Variants in DSTN observed in about 807,000 individuals in gnomAD.
DSTN encodes destrin, actin depolymerizing factor.
In DSTN, 10 loss-of-function variants were observed where a neutral mutation model predicts 16.8. The ratio of observed to expected loss-of-function variants is 0.60; its 90% CI spans 0.37 to 1.01. DSTN has a LOEUF of 1.01. DSTN is among the 50% of genes least tolerant of loss of function. DSTN has a pLI of 0.01. For missense variants in DSTN, 141 were observed against 196.7 expected (o/e 0.72, Z 1.69); for synonymous variants, 57 against 58.9 (o/e 0.97, Z 0.14).
At chr20:17,595,097 C>T (rs777770010) in intron 1 of DSTN, among the ~76,000 whole-genome samples, 6 of 152,164 alleles carry the variant, frequency 3.9e-5, no homozygotes, top group East Asian at 1.9e-4. Flanking sequence ...ATGCAGAGTT[C>T]GTCCTTTCCT....
chr20:17,574,855 C>CTTTT (rs1407970323), intron 1 of DSTN, among the ~76,000 whole-genome samples: 4 of 73,668 alleles, frequency 5.4e-5, no homozygotes, highest in South Asian at 5.5e-4. Context: ...TTTTCTTTTT[C>CTTTT]TTTTCTTTTC....
intron 1 of DSTN, among the ~76,000 whole-genome samples, chr20:17,591,323 A>G (rs1325811891): frequency 6.9e-6 from 1 of 145,390 alleles, no homozygotes; most frequent in Non-Finnish European, 1.5e-5. Context: ...TAGATAAACT[A>G]TTATTTAGTA....
At chr20:17,595,620 G>GAA (rs112935061) in intron 1 of DSTN, among the ~76,000 whole-genome samples, 2 of 140,894 alleles carry the variant, frequency 1.4e-5, no homozygotes, top group African/African-American at 2.6e-5. Flanking sequence ...CGTCCATCTG[G>GAA]AAAAAAAAAA....
intron 1 of DSTN, among the ~76,000 whole-genome samples, chr20:17,582,493 G>C (rs7271384): frequency 0.099 from 15,107 of 152,194 alleles, 878 homozygotes; most frequent in African/African-American, 0.14. Flanking sequence ...TGACTATCTG[G>C]AGACTGCCAA....
At chr20:17,572,720 A>G (rs1479059461) in intron 1 of DSTN, among the ~76,000 whole-genome samples, 9 of 152,242 alleles carry the variant, frequency 5.9e-5, no homozygotes, top group African/African-American at 2.2e-4. Flanking sequence ...CATATGAGAA[A>G]ACAGATTGTA....
chr20:17,587,201 A>T (rs1600704871), intron 1 of DSTN, among the ~76,000 whole-genome samples: 2 of 107,784 alleles, frequency 1.9e-5, no homozygotes, highest in African/African-American at 1.3e-4. Flanking sequence ...TTCTCAAGGA[A>T]TAAAAAAAAA....
At chr20:17,587,474 G>T (rs1468575023) in intron 1 of DSTN, among the ~76,000 whole-genome samples, 1 of 151,980 alleles carries the variant, frequency 6.6e-6, no homozygotes, top group East Asian at 1.9e-4. Flanking sequence ...CTTCATTTTG[G>T]TTGTTTTGAC....
chr20:17,609,367 C>G lies in DSTN; in HGVS notation c.*2221C>G, dbSNP rs773427429. 2.6e-5 allele frequency: 4 copies of G among 152,156 alleles called. No homozygotes were observed. Among genetic ancestry groups the G allele is most frequent in the Non-Finnish European group, 5.9e-5 (4 of 68,066 alleles). 9.4% of individuals were successfully genotyped at this position (152,156 alleles called of 1,614,324 possible). A position where few individuals can be genotyped will look rare whatever the true frequency, so the allele number is the denominator to read the frequency against. On this transcript the variant is annotated 3_prime_UTR_variant, in exon 4 of 4. Transcript: ENST00000246069. ...TACAGGTGTGAGCCACTGTGTCCTG[C>G]TAGTGATTGTGATTAACAGGCCTCC...
intron 1 of DSTN, among the ~76,000 whole-genome samples, chr20:17,589,630 A>G (rs1360823234): frequency 6.6e-6 from 1 of 152,254 alleles, no homozygotes; most frequent in Non-Finnish European, 1.5e-5. Context: ...AGCATCAATT[A>G]TAGCAGCCAA....
intron 1 of DSTN, among the ~76,000 whole-genome samples, chr20:17,592,790 C>T (rs1455719190): frequency 2.6e-5 from 4 of 152,196 alleles, no homozygotes; most frequent in Non-Finnish European, 4.4e-5. Flanking sequence ...CCTCCCCTCT[C>T]CCAGTCCAGT....
chr20:17,590,228 A>G lies in DSTN; in HGVS notation c.4-10510A>G, dbSNP rs1056683111. Among the ~76,000 whole-genome samples the G allele has an allele frequency of 2.6e-5, 4 of 152,218 alleles. No homozygotes were observed. The East Asian group carries it at 7.7e-4, about 29-fold the overall frequency. ...GTTCTGTCCTTTGCAACTGTAAAATACCCAGTGTTCCATATTCTTTGTAAC... is the reference window on the plus strand; with the variant it reads ...GTTCTGTCCTTTGCAACTGTAAAATGCCCAGTGTTCCATATTCTTTGTAAC... On this transcript the variant is annotated intron_variant, in intron 1 of 3. Coordinates refer to ENST00000246069, the MANE Select transcript of DSTN (RefSeq NM_006870.4).
At chr20:17,578,639 A>G (rs909094646) in intron 1 of DSTN, among the ~76,000 whole-genome samples, 1 of 152,178 alleles carries the variant, frequency 6.6e-6, no homozygotes. Context: ...TGAACCATAG[A>G]AAAGCGCTCA....
intron 1 of DSTN, among the ~76,000 whole-genome samples, chr20:17,598,896 A>G (rs1425652220): frequency 6.6e-6 from 1 of 152,182 alleles, no homozygotes; most frequent in African/African-American, 2.4e-5. Flanking sequence ...TACCCAGCCT[A>G]AAGATACCAT....
intron 1 of DSTN, among the ~76,000 whole-genome samples, chr20:17,581,933 C>T (rs191788265): frequency 7.3e-4 from 111 of 152,084 alleles, no homozygotes; most frequent in African/African-American, 2.7e-3. Context: ...ACATTTGGGA[C>T]ATTTTCTTTT....
At chr20:17,580,932 G>A (rs1183283113) in intron 1 of DSTN, among the ~76,000 whole-genome samples, 4 of 152,102 alleles carry the variant, frequency 2.6e-5, no homozygotes, top group African/African-American at 9.7e-5. Context: ...CATTTGCCAG[G>A]GACAGAAAAA....
intron 1 of DSTN, among the ~76,000 whole-genome samples, chr20:17,580,685 T>C (rs1600701117): frequency 1.3e-5 from 2 of 151,380 alleles, no homozygotes; most frequent in Non-Finnish European, 2.9e-5. Flanking sequence ...GAGGCGGAGG[T>C]TGCAGTGAGC....
chr20:17,579,125 GT>G (rs752909825), intron 1 of DSTN, among the ~76,000 whole-genome samples: 3 of 152,070 alleles, frequency 2.0e-5, no homozygotes, highest in South Asian at 2.1e-4. Context: ...TGGCTGCTGG[GT>G]TTTTTTAAAT....
At chr20:17,605,508 A>G (rs1372201326) in intron 3 of DSTN, among the ~76,000 whole-genome samples, 2 of 152,072 alleles carry the variant, frequency 1.3e-5, no homozygotes, top group African/African-American at 2.4e-5. Context: ...TTATATTTTC[A>G]TGGTAGAACA....
chr20:17,573,238 G>A (rs1034683318), intron 1 of DSTN, among the ~76,000 whole-genome samples: 1 of 151,918 alleles, frequency 6.6e-6, no homozygotes, highest in Non-Finnish European at 1.5e-5. Flanking sequence ...GCCTTGATGT[G>A]CTTTTAAAAC....
Sources: allele counts gnomAD v4.1 joint callset (sites outside exome capture counted in the v4.1 genomes callset), GRCh38; gene constraint gnomAD v4.1.1; transcripts MANE v1.5; gene names NCBI Gene and HGNC (gene_info 2026-07-23, HGNC 2026-07-21).